The following HYDIN variants were observed in gnomAD, a reference collection of about 807,000 sequenced individuals.
The protein encoded by HYDIN is axonemal central pair apparatus protein HYDIN.
HYDIN carries 132 observed loss-of-function variants against 403.9 expected under a neutral mutation model. The observed-to-expected ratio is 0.33, with a 90% confidence interval of 0.28 to 0.38. The LOEUF (loss-of-function observed/expected upper bound fraction) is 0.38. HYDIN is among the 10% of genes least tolerant of loss of function. The probability of loss-of-function intolerance (pLI) is 1.00; values close to 1 mark genes in which losing one functional copy is unlikely to be tolerated. For synonymous variants in HYDIN, 1,202 were observed against 1,891.7 expected (o/e 0.64, Z 9.46); for missense variants, 2,827 against 5,009.5 (o/e 0.56, Z 13.15).
chr16:71,092,515 G>C (rs1052513476), intron 11 of HYDIN, among the ~76,000 whole-genome samples: 1 of 152,176 alleles, frequency 6.6e-6, no homozygotes, highest in African/African-American at 2.4e-5. Flanking sequence ...CTATGAAATG[G>C]AAATAGTTAA....
intron 50 of HYDIN, among the ~76,000 whole-genome samples, chr16:70,904,625 C>A (rs2076484172): frequency 7.8e-6 from 1 of 128,948 alleles, no homozygotes; most frequent in African/African-American, 2.8e-5. Flanking sequence ...TTCAGCCTCC[C>A]AAGTAGCTGG....
Position 70,807,973 on chromosome 16 carries a change from G to A in HYDIN, c.14973C>T (p.Phe4991=), listed in dbSNP as rs370186843. 36 of 1,614,016 alleles carry A rather than the reference G, an allele frequency of 2.2e-5. 1 individual carries two copies. In the Admixed American group the frequency reaches 2.3e-4, roughly 10 times the overall value. Residue 4991 remains phenylalanine, a synonymous_variant, in exon 86 of 86, where the codon TTC becomes TTT. Coordinates refer to ENST00000393567, the MANE Select transcript of HYDIN (RefSeq NM_001270974.2). ...GGTEASVEVL[F]EPSHLGETKG... ...TGGTCTCACCCAGGTGGCTGGGCTC[G>A]AATAAGACTTCCACACTGGCTTCAG... is the stretch of plus-strand genomic sequence containing the variant.
chr16:70,819,821 T>G (rs1340323129), intron 83 of HYDIN, among the ~76,000 whole-genome samples: 3 of 152,124 alleles, frequency 2.0e-5, no homozygotes, highest in Admixed American at 2.0e-4. Context: ...ATTCCCTTTT[T>G]TTTTGAGATG....
intron 21 of HYDIN, among the ~76,000 whole-genome samples, chr16:71,022,306 G>A (rs2080526140): frequency 6.6e-6 from 1 of 152,304 alleles, no homozygotes; most frequent in Non-Finnish European, 1.5e-5. Flanking sequence ...TCTTTGAGTT[G>A]TTCGTCTCTC....
intron 73 of HYDIN, among the ~76,000 whole-genome samples, 195 bp downstream of exon 73, chr16:70,854,933 C>G (rs1349874726): frequency 1.3e-5 from 2 of 148,504 alleles, no homozygotes; most frequent in East Asian, 3.9e-4. Context: ...AGATAAAGGG[C>G]TTAGAATTCT....
intron 4 of HYDIN, among the ~76,000 whole-genome samples, chr16:71,178,432 A>ATATAT (rs1555501903): frequency 1.2e-5 from 1 of 80,780 alleles, no homozygotes; most frequent in South Asian, 3.6e-4. Context: ...AAAAAAAAAA[A>ATATAT]AAATATATAT....
chr16:70,938,086 G>A (rs1369574060), intron 44 of HYDIN, among the ~76,000 whole-genome samples: 4 of 152,254 alleles, frequency 2.6e-5, no homozygotes, highest in Admixed American at 1.3e-4. Flanking sequence ...TGCCCAGGCT[G>A]AGGATCCCAT....
chr16:71,193,030 G>C (rs901760263), intron 1 of HYDIN, among the ~76,000 whole-genome samples: 8 of 152,146 alleles, frequency 5.3e-5, no homozygotes, highest in African/African-American at 1.9e-4. Flanking sequence ...TTTCTCTAGT[G>C]CACTCGAGGA....
At chr16:71,169,308 C>T (rs1192945685) in intron 5 of HYDIN, among the ~76,000 whole-genome samples, 1 of 152,008 alleles carries the variant, frequency 6.6e-6, no homozygotes, top group Non-Finnish European at 1.5e-5. Context: ...TGGCGGGTGC[C>T]TATAATCCCA....
chr16:71,216,123 C>T (rs2088868559), intron 1 of HYDIN, among the ~76,000 whole-genome samples: 1 of 152,116 alleles, frequency 6.6e-6, no homozygotes, highest in African/African-American at 2.4e-5. Flanking sequence ...CCCTGGTAGA[C>T]AGTCCAGAGA....
At chr16:71,183,506 C>T (rs1567420952) in intron 3 of HYDIN, among the ~76,000 whole-genome samples, 1 of 152,060 alleles carries the variant, frequency 6.6e-6, no homozygotes, top group African/African-American at 2.4e-5. Flanking sequence ...AACAAACAAT[C>T]TTTGGGCACA....
chr16:70,810,930 A>G, intron 84 of HYDIN, among the ~76,000 whole-genome samples: 1 of 152,206 alleles, frequency 6.6e-6, no homozygotes, highest in Non-Finnish European at 1.5e-5. Flanking sequence ...AGAAATGCAT[A>G]TATAGTATGA....
At chr16:71,173,907 TC>T (rs2086564939) in intron 5 of HYDIN, among the ~76,000 whole-genome samples, 1 of 152,110 alleles carries the variant, frequency 6.6e-6, no homozygotes, top group Non-Finnish European at 1.5e-5. Flanking sequence ...GAAAGCCACC[TC>T]CTCAAATCCA....
chr16:70,939,569 A>G (rs527629141), intron 43 of HYDIN, among the ~76,000 whole-genome samples: 326 of 151,842 alleles, frequency 2.1e-3, no homozygotes, highest in African/African-American at 6.3e-3. Context: ...GGCACTTTAC[A>G]TGATTGCTTA....
At chr16:71,033,091 C>T (rs1166447279) in intron 18 of HYDIN, among the ~76,000 whole-genome samples, 15 of 149,702 alleles carry the variant, frequency 1.0e-4, no homozygotes, top group Non-Finnish European at 2.1e-4. Context: ...ACATATTCAA[C>T]GGCTCTGAGG....
chr16:71,119,059 C>T (rs2084159058), intron 9 of HYDIN, among the ~76,000 whole-genome samples: 1 of 152,062 alleles, frequency 6.6e-6, no homozygotes, highest in African/African-American at 2.4e-5. Context: ...GAAGTGGCCC[C>T]CACTGGAAAT....
intron 42 of HYDIN, among the ~76,000 whole-genome samples, chr16:70,943,427 T>A (rs1397848845): frequency 6.6e-6 from 1 of 152,180 alleles, no homozygotes; most frequent in East Asian, 1.9e-4. Context: ...AATGTTATTA[T>A]GTTTTAACCA....
At chr16:71,206,871 T>G (rs959091346) in intron 1 of HYDIN, among the ~76,000 whole-genome samples, 1 of 151,926 alleles carries the variant, frequency 6.6e-6, no homozygotes, top group Non-Finnish European at 1.5e-5. Flanking sequence ...CAGATAAGAA[T>G]AAAGAAAACA....
chr16:70,953,432 C>T (rs2078133236), intron 40 of HYDIN, among the ~76,000 whole-genome samples: 2 of 151,994 alleles, frequency 1.3e-5, no homozygotes, highest in Admixed American at 6.6e-5. Flanking sequence ...GGCTCCCTGT[C>T]CAGCAGGGCT....
Sources: allele counts gnomAD v4.1 joint callset (sites outside exome capture counted in the v4.1 genomes callset), GRCh38; gene constraint gnomAD v4.1.1; transcripts MANE v1.5; gene names NCBI Gene and HGNC (gene_info 2026-07-23, HGNC 2026-07-21).